The following SUMF1 variants were observed in gnomAD, a reference collection of about 807,000 sequenced individuals.
SUMF1 encodes sulfatase modifying factor 1.
In SUMF1, 48 loss-of-function variants were observed where a neutral mutation model predicts 47.6. The ratio of observed to expected loss-of-function variants is 1.01; its 90% CI spans 0.80 to 1.28. The LOEUF (loss-of-function observed/expected upper bound fraction) is 1.28, where lower values mean the gene tolerates loss of function less well. Ranked by LOEUF, SUMF1 falls within the 50% of genes most tolerant of loss-of-function variation. The pLI is 0.00. For synonymous variants in SUMF1, 230 were observed against 192.1 expected (o/e 1.20, Z -1.63); for missense variants, 571 against 485.4 (o/e 1.18, Z -1.66).
intron 7 of SUMF1, among the ~76,000 whole-genome samples, chr3:4,386,403 C>T (rs963223054): frequency 1.3e-5 from 2 of 152,060 alleles, no homozygotes; most frequent in African/African-American, 4.8e-5. Context: ...TTTCAATGTC[C>T]ATGTGTTTGT....
At chr3:4,306,192 A>T (rs931612512) in intron 8 of SUMF1, among the ~76,000 whole-genome samples, 3 of 152,168 alleles carry the variant, frequency 2.0e-5, no homozygotes, top group Non-Finnish European at 4.4e-5. Flanking sequence ...TCCAATCTTG[A>T]GTCATATTTT....
intron 8 of SUMF1, among the ~76,000 whole-genome samples, chr3:4,109,745 G>A (rs1455296388): frequency 2.0e-5 from 3 of 152,020 alleles, no homozygotes; most frequent in African/African-American, 7.3e-5. Context: ...CATTTGTCAC[G>A]TAGTTCTTGT....
chr3:4,235,936 T>C (rs996047681), intron 8 of SUMF1, among the ~76,000 whole-genome samples: 7 of 152,054 alleles, frequency 4.6e-5, no homozygotes, highest in Admixed American at 1.3e-4. Context: ...CACATGTCTA[T>C]ACCAATGTGT....
At chr3:4,204,515 A>C (rs1286084128) in intron 8 of SUMF1, among the ~76,000 whole-genome samples, 1 of 151,878 alleles carries the variant, frequency 6.6e-6, no homozygotes, top group Non-Finnish European at 1.5e-5. Context: ...GAATATTGTT[A>C]TCTCTCTCTA....
Position 4,433,892 on chromosome 3 carries a change from G to T in SUMF1, c.520-13746C>A, listed in dbSNP as rs573497153. On this transcript the variant is annotated intron_variant, in intron 3 of 8. Coordinates refer to ENST00000272902, the MANE Select transcript of SUMF1 (RefSeq NM_182760.4). ...CTGATGGATAACAGACCTCAAGAAG[G>T]CATGAATACAAATGACAGGTCAAGA... Among the ~76,000 whole-genome samples, 3 of 152,268 alleles carry T rather than the reference G, an allele frequency of 2.0e-5. No homozygotes were observed. In the East Asian group the frequency reaches 5.8e-4, roughly 29 times the overall value.
intron 8 of SUMF1, among the ~76,000 whole-genome samples, chr3:4,210,220 A>C (rs1455697571): frequency 2.0e-5 from 3 of 152,152 alleles, no homozygotes; most frequent in African/African-American, 7.2e-5. Flanking sequence ...TAACATGTCA[A>C]TTCTCCTCAA....
intron 8 of SUMF1, among the ~76,000 whole-genome samples, chr3:4,193,523 C>T (rs973391372): frequency 3.3e-5 from 5 of 152,194 alleles, no homozygotes; most frequent in Non-Finnish European, 5.9e-5. Flanking sequence ...GTGCCCTTAA[C>T]TTGTAGAGTC....
intron 8 of SUMF1, among the ~76,000 whole-genome samples, chr3:4,165,866 C>G (rs200422694): frequency 3.1e-5 from 2 of 65,502 alleles, no homozygotes; most frequent in Non-Finnish European, 3.3e-5. Context: ...TTTGTTTCCC[C>G]CCCCCCCCCG....
At chr3:4,169,104 G>T (rs191502155) in intron 8 of SUMF1, among the ~76,000 whole-genome samples, 3 of 152,246 alleles carry the variant, frequency 2.0e-5, no homozygotes, top group Non-Finnish European at 2.9e-5. Context: ...TCTCTATGCA[G>T]CTTTCCCAGA....
At chr3:4,094,166 G>A (rs563001450) in intron 8 of SUMF1, among the ~76,000 whole-genome samples, 11 of 152,174 alleles carry the variant, frequency 7.2e-5, no homozygotes, top group African/African-American at 2.4e-4. Flanking sequence ...CTTGAGTGTA[G>A]ATGATTTGCT....
At chr3:4,071,919 T>C (rs1695535979) in intron 8 of SUMF1, among the ~76,000 whole-genome samples, 2 of 152,180 alleles carry the variant, frequency 1.3e-5, no homozygotes, top group East Asian at 1.9e-4. Context: ...GCAGTGGTTC[T>C]CCCAGCATGG....
chr3:4,164,287 G>A (rs1694648620), intron 8 of SUMF1, among the ~76,000 whole-genome samples: 2 of 152,122 alleles, frequency 1.3e-5, no homozygotes, highest in Admixed American at 6.5e-5. Flanking sequence ...ACACTGAGAA[G>A]GCCATGCCAG....
At chr3:4,294,813 A>C (rs1697813850) in intron 8 of SUMF1, among the ~76,000 whole-genome samples, 1 of 152,164 alleles carries the variant, frequency 6.6e-6, no homozygotes, top group Non-Finnish European at 1.5e-5. Context: ...AAATGGGAGA[A>C]GTTCTAATGA....
intron 7 of SUMF1, among the ~76,000 whole-genome samples, chr3:4,403,784 C>T (rs1438503938): frequency 6.6e-6 from 1 of 152,150 alleles, no homozygotes; most frequent in Admixed American, 6.5e-5. Context: ...CAAGAGGCTG[C>T]AGGACCACAG....
intron 6 of SUMF1, chr3:4,414,933 C>T (rs757779647): frequency 1.3e-5 from 2 of 152,178 alleles, no homozygotes; most frequent in Admixed American, 6.5e-5. Flanking sequence ...TTATATCATT[C>T]GTTTGGTTCA....
At chr3:4,465,384 AAGGAGAATCATTCGAACCC>A (rs1464580832) in intron 1 of SUMF1, among the ~76,000 whole-genome samples, 1 of 152,086 alleles carries the variant, frequency 6.6e-6, no homozygotes, top group Non-Finnish European at 1.5e-5. Flanking sequence ...CTGAGGCAGG[AAGGAGAATCATTCGAACCC>A]AGGAGGTGGA....
At chr3:4,224,244 C>T (rs313687) in intron 8 of SUMF1, among the ~76,000 whole-genome samples, 35,061 of 151,960 alleles carry the variant, frequency 0.23, 5,562 homozygotes, top group African/African-American at 0.44. Context: ...TTTCGCATTA[C>T]TTAGGAAAAG....
chr3:4,402,742 A>C (rs1162071358), intron 7 of SUMF1, among the ~76,000 whole-genome samples: 1 of 152,328 alleles, frequency 6.6e-6, no homozygotes. Context: ...AACAAAATAA[A>C]ATCTCATGGA....
Position 4,174,673 on chromosome 3 carries a change from T to C in SUMF1, c.1015-105928A>G, listed in dbSNP as rs148779078. ...CCACTGAGGTACCTGGTTCATCTCATTGGGACTGGTTGGACAGTGGGTGCA... is the reference window on the plus strand; with the variant it reads ...CCACTGAGGTACCTGGTTCATCTCACTGGGACTGGTTGGACAGTGGGTGCA... On this transcript the variant is annotated intron_variant and NMD_transcript_variant, in intron 8 of 12. Coordinates refer to the SUMF1 transcript ENST00000448413. 9.3e-3 allele frequency among the ~76,000 whole-genome samples: 1,413 copies of C among 152,214 alleles called. 26 individuals are homozygous for C. The highest frequency in any genetic ancestry group is 0.032 in the African/African-American group (1,345 of 41,534).
Sources: allele counts gnomAD v4.1 joint callset (sites outside exome capture counted in the v4.1 genomes callset), GRCh38; gene constraint gnomAD v4.1.1; transcripts MANE v1.5; gene names NCBI Gene and HGNC (gene_info 2026-07-23, HGNC 2026-07-21).